The following HDAC9 variants were observed in gnomAD, a reference collection of about 807,000 sequenced individuals.
The protein encoded by HDAC9 is MEF-2 interacting transcription repressor (MITR) protein.
A neutral mutation model predicts 139.4 loss-of-function variants in HDAC9; 41 were observed. The ratio of observed to expected loss-of-function variants is 0.29; its 90% CI spans 0.23 to 0.38. HDAC9 has a LOEUF of 0.38. Among genes scored for constraint, HDAC9 ranks in the 10% least tolerant of loss-of-function variants. HDAC9 has a pLI of 1.00. For synonymous variants in HDAC9, 517 were observed against 476.2 expected, an observed-to-expected ratio of 1.09 and a Z score of -1.12; for missense variants, 1,147 against 1,297.0, an observed-to-expected ratio of 0.88 and a Z score of 1.78.
At chr7:18,630,726 C>A (rs748324135) in intron 7 of HDAC9, among the ~76,000 whole-genome samples, 2 of 151,942 alleles carry the variant, frequency 1.3e-5, no homozygotes, top group Non-Finnish European at 2.9e-5. Context: ...GAATTGAATT[C>A]TAAGTTTGGA....
At chr7:18,480,263 C>T (rs1395306719) in intron 1 of HDAC9, among the ~76,000 whole-genome samples, 2 of 152,014 alleles carry the variant, frequency 1.3e-5, no homozygotes, top group Admixed American at 6.6e-5. Context: ...TAGATAAAAC[C>T]GAGGATAACA....
intron 1 of HDAC9, among the ~76,000 whole-genome samples, chr7:18,292,250 A>G (rs1157483017): frequency 6.6e-6 from 1 of 152,130 alleles, no homozygotes; most frequent in Non-Finnish European, 1.5e-5. Context: ...AGAAAAGGAA[A>G]CTAAGGTGCA....
At chr7:18,405,356 T>A (rs550014109) in intron 1 of HDAC9, among the ~76,000 whole-genome samples, 1 of 152,326 alleles carries the variant, frequency 6.6e-6, no homozygotes, top group African/African-American at 2.4e-5. Flanking sequence ...TTAATTCTGC[T>A]TATTGATTCC....
chr7:18,261,890 T>A (rs2128207199), intron 2 of HDAC9, among the ~76,000 whole-genome samples: 1 of 152,306 alleles, frequency 6.6e-6, no homozygotes, highest in South Asian at 2.1e-4. Flanking sequence ...AATGAAAATC[T>A]CTCTTTCAAT....
chr7:18,593,818 G>A (rs2128839662), intron 5 of HDAC9, 90 bp from the exon 6 acceptor site: 7 of 1,359,292 alleles, frequency 5.1e-6, no homozygotes, highest in Non-Finnish European at 7.3e-6. Flanking sequence ...CATAGCTGAG[G>A]CACGTGTACA....
chr7:18,721,003 A>AT (rs1440778360), intron 12 of HDAC9, among the ~76,000 whole-genome samples: 4 of 150,670 alleles, frequency 2.7e-5, no homozygotes, highest in African/African-American at 9.9e-5. Context: ...TTTTTCATTT[A>AT]TTTTTACATT....
chr7:18,906,046 A>G (rs887689597), intron 22 of HDAC9, among the ~76,000 whole-genome samples: 1 of 111,788 alleles, frequency 8.9e-6, no homozygotes, highest in Non-Finnish European at 1.8e-5. Flanking sequence ...TCTCTTTTCT[A>G]TCCTTTCTTT....
intron 22 of HDAC9, chr7:18,892,492 T>G (rs1046573630): frequency 1.3e-5 from 2 of 152,130 alleles, no homozygotes; most frequent in Admixed American, 6.6e-5. Flanking sequence ...ATACTTTCTG[T>G]CTACATTTAT....
Position 18,999,798 on chromosome 7 carries a change from C to G in HDAC9, c.*3736C>G, listed in dbSNP as rs1786665110. The G allele has an allele frequency of 6.6e-6, 1 of 152,076 alleles. No individual in the cohort carries two copies. The highest frequency in any genetic ancestry group is 2.1e-4 in the South Asian group (1 of 4,814). 9.4% of individuals were successfully genotyped at this position (152,076 alleles called of 1,614,324 possible). A position where few individuals can be genotyped will look rare whatever the true frequency, so the allele number is the denominator to read the frequency against. The stretch of plus-strand genomic sequence containing the variant: ...GAAGAATTAATTTAAATATTTCTTA[C>G]TATTTCTCTGTCGAATGTTTACTCT... On this transcript the variant is annotated 3_prime_UTR_variant, in exon 26 of 26. Transcript: ENST00000686413.
chr7:18,266,033 G>C (rs548295427), intron 2 of HDAC9, among the ~76,000 whole-genome samples: 10 of 152,108 alleles, frequency 6.6e-5, no homozygotes, highest in African/African-American at 2.2e-4. Context: ...AAAATTTGTT[G>C]GTCTATCTTG....
At position 18,859,861 on chromosome 7, in the gene HDAC9, T is replaced by TGAGAGAGAATGA. The variant is rs1300667259; in HGVS notation, c.2685-14611_2685-14610insGAATGAGAGAGA. ...ATATATATATATATATATATATATGTGAGAGAATGAGAGAGAGAGAAATAT... is the reference window on the plus strand; with the variant it reads ...ATATATATATATATATATATATATGTGAGAGAGAATGAGAGAGAATGAGAGAGAGAGAAATAT... On this transcript the variant is annotated intron_variant, in intron 21 of 25. Transcript: ENST00000686413. Among the ~76,000 whole-genome samples the TGAGAGAGAATGA allele has an allele frequency of 7.7e-4, 92 of 119,430 alleles. 2 individuals carry two copies. The East Asian group carries it at 0.02, about 26-fold the overall frequency. The allele number at this position is 119,430 out of a possible 152,430, so 78.4% of individuals were successfully genotyped here. A position where few individuals can be genotyped will look rare whatever the true frequency, so the allele number is the denominator to read the frequency against.
chr7:18,806,625 T>TG (rs1335291479), intron 17 of HDAC9, among the ~76,000 whole-genome samples: 4 of 152,236 alleles, frequency 2.6e-5, no homozygotes, highest in Non-Finnish European at 5.9e-5. Flanking sequence ...TGCTCTTAGA[T>TG]GGTCTTCATT....
chr7:18,700,844 C>G (rs181961430), intron 12 of HDAC9, among the ~76,000 whole-genome samples: 81 of 152,262 alleles, frequency 5.3e-4, no homozygotes, highest in African/African-American at 1.9e-3. Context: ...CCCCAGCTGG[C>G]AAGCACTTTT....
At chr7:18,402,649 T>C (rs1312155138) in intron 1 of HDAC9, among the ~76,000 whole-genome samples, 1 of 152,174 alleles carries the variant, frequency 6.6e-6, no homozygotes, top group Non-Finnish European at 1.5e-5. Flanking sequence ...ATAAGATTTC[T>C]GGGTTGGAGA....
At chr7:18,170,946 T>C (rs1664309093) in intron 2 of HDAC9, among the ~76,000 whole-genome samples, 1 of 152,216 alleles carries the variant, frequency 6.6e-6, no homozygotes, top group Admixed American at 6.5e-5. Flanking sequence ...TTTGGTTCCA[T>C]ACGAACTTTA....
chr7:18,725,679 C>T (rs1459541146), intron 12 of HDAC9, among the ~76,000 whole-genome samples: 1 of 151,978 alleles, frequency 6.6e-6, no homozygotes, highest in Non-Finnish European at 1.5e-5. Context: ...AAACATGTAC[C>T]CAGGAATTGT....
chr7:18,157,169 C>T (rs74335792), intron 1 of HDAC9, among the ~76,000 whole-genome samples: 11 of 152,200 alleles, frequency 7.2e-5, no homozygotes, highest in Admixed American at 1.3e-4. Flanking sequence ...CATGGACACG[C>T]GAATGATACT....
At chr7:18,645,671 A>G (rs190079960) in intron 9 of HDAC9, among the ~76,000 whole-genome samples, 1 of 152,304 alleles carries the variant, frequency 6.6e-6, no homozygotes, top group Non-Finnish European at 1.5e-5. Context: ...CTTATCCAGA[A>G]TAATTCATCT....
chr7:18,223,254 C>T (rs528616016), intron 2 of HDAC9, among the ~76,000 whole-genome samples: 2 of 152,036 alleles, frequency 1.3e-5, no homozygotes, highest in Non-Finnish European at 2.9e-5. Flanking sequence ...TATTTACATA[C>T]GTCTTTTTCT....
Sources: gnomAD v4.1 joint callset for allele counts (sites outside exome capture counted in the v4.1 genomes callset) on GRCh38, gnomAD v4.1.1 for gene constraint, MANE v1.5 for transcripts, NCBI Gene and HGNC (gene_info 2026-07-23, HGNC 2026-07-21) for gene names.